The following ENTHD1 variants were observed in gnomAD, a reference collection of about 807,000 sequenced individuals.
ENTHD1 encodes ENTH domain-containing protein 1.
A neutral mutation model predicts 39.1 loss-of-function variants in ENTHD1; 23 were observed. The observed-to-expected ratio is 0.59, with a 90% CI of 0.42 to 0.83. The LOEUF (loss-of-function observed/expected upper bound fraction) is 0.83, where lower values mean the gene tolerates loss of function less well. Among genes scored for constraint, ENTHD1 ranks in the 40% least tolerant of loss-of-function variants. The pLI is 0.00. For synonymous variants in ENTHD1, 230 were observed against 258.2 expected (o/e 0.89, Z 1.05); for missense variants, 624 against 705.4 (o/e 0.88, Z 1.31).
Position 39,862,532 on chromosome 22 carries a change from G to A in ENTHD1, c.350-525C>T, listed in dbSNP as rs145554942. On this transcript the variant is annotated intron_variant, in intron 2 of 6. Transcript: ENST00000325157. ...CACTGCACTCCAGCTTGGCAAGAGA[G>A]CGAGACTCTGTCTCAAAAAAAAAAA... Among the ~76,000 whole-genome samples the A allele has an allele frequency of 5.2e-3, 758 of 145,122 alleles. 8 individuals are homozygous for A. The highest frequency in any genetic ancestry group is 0.022 in the Middle Eastern group (6 of 268).
intron 2 of ENTHD1, among the ~76,000 whole-genome samples, chr22:39,886,194 G>A (rs1413638619): frequency 2.6e-5 from 4 of 151,956 alleles, no homozygotes; most frequent in African/African-American, 4.8e-5. Context: ...CCAACTATAC[G>A]ACATCTGAAA....
chr22:39,826,661 T>C (rs1333310803), intron 4 of ENTHD1, among the ~76,000 whole-genome samples: 1 of 152,178 alleles, frequency 6.6e-6, no homozygotes, highest in African/African-American at 2.4e-5. Context: ...TAATGTAAAC[T>C]GGACTTTGGG....
Position 39,835,827 on chromosome 22 carries a change from A to T in ENTHD1, c.711+13T>A. The T allele has an allele frequency of 1.3e-6, 2 of 1,564,728 alleles. No homozygotes were observed. Among genetic ancestry groups the T allele is most frequent in the Non-Finnish European group, 1.8e-6 (2 of 1,140,120 alleles). On this transcript the variant is annotated intron_variant, in intron 4 of 6. Coordinates refer to ENST00000325157, the MANE Select transcript of ENTHD1 (RefSeq NM_152512.4). ...TGATTTATTACAGCAGCTATAGGAA[A>T]CTATAGACTTACCTCTGTTGATTTC... is the stretch of plus-strand genomic sequence containing the variant.
At chr22:39,801,820 T>G (rs1041424009) in intron 5 of ENTHD1, among the ~76,000 whole-genome samples, 1 of 152,108 alleles carries the variant, frequency 6.6e-6, no homozygotes, top group Non-Finnish European at 1.5e-5. Flanking sequence ...TTTTTTTTAA[T>G]AGTAATGAAA....
At chr22:39,870,007 ATTTAT>A (rs1428966538) in intron 2 of ENTHD1, among the ~76,000 whole-genome samples, 1 of 150,718 alleles carries the variant, frequency 6.6e-6, no homozygotes, top group Non-Finnish European at 1.5e-5. Context: ...TTATTTATTT[ATTTAT>A]TTATTTATTT....
At chr22:39,817,079 A>G (rs148588825) in intron 5 of ENTHD1, among the ~76,000 whole-genome samples, 23 of 152,326 alleles carry the variant, frequency 1.5e-4, no homozygotes, top group African/African-American at 4.6e-4. Flanking sequence ...ATGTAATGCA[A>G]CTTTTTACCC....
At chr22:39,791,320 GAT>G (rs1308557043) in intron 5 of ENTHD1, among the ~76,000 whole-genome samples, 2 of 147,876 alleles carry the variant, frequency 1.4e-5, no homozygotes, top group African/African-American at 4.9e-5. Context: ...TATATATAAA[GAT>G]ATATTAAATA....
intron 3 of ENTHD1, among the ~76,000 whole-genome samples, chr22:39,838,586 A>C (rs898335799): frequency 2.6e-5 from 4 of 152,066 alleles, no homozygotes; most frequent in African/African-American, 9.7e-5. Flanking sequence ...AATCAGTCAC[A>C]CTCCTATGTG....
intron 3 of ENTHD1, among the ~76,000 whole-genome samples, chr22:39,858,510 T>C (rs969499295): frequency 3.9e-5 from 6 of 152,136 alleles, no homozygotes; most frequent in African/African-American, 1.4e-4. Context: ...GCATCTAGAG[T>C]GGTGAATCTT....
intron 2 of ENTHD1, among the ~76,000 whole-genome samples, chr22:39,882,253 G>A (rs901832814): frequency 6.6e-6 from 1 of 152,082 alleles, no homozygotes; most frequent in African/African-American, 2.4e-5. Flanking sequence ...ACCATAAAAA[G>A]CACTGCTTTG....
At chr22:39,874,030 GTCACA>G (rs2066266218) in intron 2 of ENTHD1, among the ~76,000 whole-genome samples, 1 of 152,196 alleles carries the variant, frequency 6.6e-6, no homozygotes, top group Non-Finnish European at 1.5e-5. Context: ...GGAAGAGCAA[GTCACA>G]TCTTATGTGG....
chr22:39,860,760 T>C (rs2041701480), intron 3 of ENTHD1, among the ~76,000 whole-genome samples: 2 of 152,230 alleles, frequency 1.3e-5, no homozygotes, highest in Admixed American at 1.3e-4. Context: ...TGTTTTTGCT[T>C]CCTCAAGCTG....
chr22:39,784,313 A>G lies in ENTHD1; in HGVS notation c.833-18704T>C, dbSNP rs367994706. Among the ~76,000 whole-genome samples, 8 of 152,174 alleles carry G rather than the reference A, an allele frequency of 5.3e-5. No homozygotes were observed. In the East Asian group the frequency reaches 5.8e-4, roughly 11 times the overall value. ...CTGTTGGTGGGAATGTAAAAACAGT[A>G]CTGCCACTATGGAGAACAGTATGGA... is the stretch of plus-strand genomic sequence containing the variant. On this transcript the variant is annotated intron_variant, in intron 5 of 6. Transcript: ENST00000325157.
At chr22:39,848,469 G>C (rs2066008856) in intron 3 of ENTHD1, among the ~76,000 whole-genome samples, 1 of 152,030 alleles carries the variant, frequency 6.6e-6, no homozygotes, top group South Asian at 2.1e-4. Context: ...GGCCAGGATG[G>C]TCTCAATCTC....
At chr22:39,782,360 G>C (rs2065417448) in intron 5 of ENTHD1, among the ~76,000 whole-genome samples, 1 of 151,944 alleles carries the variant, frequency 6.6e-6, no homozygotes, top group South Asian at 2.1e-4. Flanking sequence ...AGACCTGATG[G>C]CTTCACTGCT....
chr22:39,885,266 AG>A (rs1423045024), intron 2 of ENTHD1, among the ~76,000 whole-genome samples: 1 of 152,254 alleles, frequency 6.6e-6, no homozygotes, highest in African/African-American at 2.4e-5. Context: ...ATTAGTCTTT[AG>A]GGAAATGTAA....
intron 5 of ENTHD1, among the ~76,000 whole-genome samples, chr22:39,788,096 C>T (rs921295680): frequency 3.3e-5 from 5 of 152,198 alleles, no homozygotes; most frequent in Admixed American, 2.6e-4. Flanking sequence ...GTCCATTCTG[C>T]AGCCCATGGA....
chr22:39,835,057 A>C (rs75707537), intron 4 of ENTHD1, among the ~76,000 whole-genome samples: 15,351 of 152,172 alleles, frequency 0.1, 903 homozygotes, highest in Middle Eastern at 0.13. Context: ...GTATCTATAC[A>C]TGGGATATAA....
rs1429982631 is a variant in ENTHD1, at chr22:39,887,634, C to T, written c.115G>A (p.Asp39Asn). Residue 39 changes from aspartate to asparagine, a missense_variant, in exon 2 of 7, where the codon GAT becomes AAT. Coordinates refer to ENST00000325157, the MANE Select transcript of ENTHD1 (RefSeq NM_152512.4). ...PWGPSSSLML[D>N]ISDLTFNTIS... is the part of the protein sequence containing the mutation. ...GTGTTGAAAGTCAAGTCACTGATAT[C>T]TAACATCAGAGAACTAGAGGGACCC... 6.2e-7 allele frequency: 1 copy of T among 1,614,052 alleles called. No homozygotes were observed. The highest frequency in any genetic ancestry group is 2.2e-5 in the East Asian group (1 of 44,884).
Sources: gnomAD v4.1 joint callset for allele counts (sites outside exome capture counted in the v4.1 genomes callset) on GRCh38, gnomAD v4.1.1 for gene constraint, MANE v1.5 for transcripts, NCBI Gene and HGNC (gene_info 2026-07-23, HGNC 2026-07-21) for gene names.